OTOA: variants seen among roughly 807,000 people sequenced by gnomAD.
The protein encoded by OTOA is cancer/testis antigen 108.
Under a neutral mutation model 110.8 loss-of-function variants are expected in OTOA, and 70 were observed. The ratio of observed to expected loss-of-function variants is 0.63; its 90% CI spans 0.52 to 0.77. The LOEUF (loss-of-function observed/expected upper bound fraction) is 0.77. OTOA is among the 30% of genes least tolerant of loss of function. The pLI, the probability that OTOA is intolerant of heterozygous loss-of-function variation, is 0.00. For missense variants in OTOA, 917 were observed against 1,075.8 expected (o/e 0.85, Z 2.06); for synonymous variants, 373 against 431.5 (o/e 0.86, Z 1.68).
rs1897828000 is a variant in OTOA, at chr16:21,691,487, C to T, written c.636-97C>T. ...TCCAGGAGAGGGAAGGGTTTTAACACAAGACAGCTTTGGGTCACATTTGCT... is the reference window on the plus strand; with the variant it reads ...TCCAGGAGAGGGAAGGGTTTTAACATAAGACAGCTTTGGGTCACATTTGCT... On this transcript the variant is annotated intron_variant, in intron 8 of 28. Transcript: ENST00000646100. 7.0e-6 allele frequency: 7 copies of T among 994,392 alleles called. No homozygotes were observed. The South Asian group carries it at 8.1e-5, about 11-fold the overall frequency. 61.6% of individuals were successfully genotyped at this position (994,392 alleles called of 1,614,324 possible). A position where few individuals can be genotyped will look rare whatever the true frequency, so the allele number is the denominator to read the frequency against.
At chr16:21,734,065 C>T (rs1052940905) in intron 21 of OTOA, among the ~76,000 whole-genome samples, 2 of 151,596 alleles carry the variant, frequency 1.3e-5, no homozygotes, top group East Asian at 3.9e-4. Flanking sequence ...CTCCCAAGTG[C>T]TAGGATTACA....
chr16:21,708,654 T>TA (rs566462547), intron 12 of OTOA, among the ~76,000 whole-genome samples: 276 of 152,288 alleles, frequency 1.8e-3, no homozygotes, highest in African/African-American at 6.1e-3. Context: ...TTGCCGAACT[T>TA]AGAGAACCCA....
intron 2 of OTOA, 46 bp from the exon 3 acceptor site, chr16:21,678,869 G>A (rs751002817): frequency 6.9e-6 from 11 of 1,604,144 alleles, no homozygotes. Context: ...AGTTTTGAAG[G>A]TCACACAATT....
At chr16:21,687,990 T>C (rs1036037512) in intron 8 of OTOA, among the ~76,000 whole-genome samples, 2 of 151,988 alleles carry the variant, frequency 1.3e-5, no homozygotes, top group Non-Finnish European at 2.9e-5. Flanking sequence ...CTCATCACAG[T>C]ATCCTTCAGG....
Position 21,687,456 on chromosome 16 carries a change from G to A in OTOA, c.443G>A (p.Arg148Gln), listed in dbSNP as rs773282376. The A allele has an allele frequency of 1.2e-5, 20 of 1,613,924 alleles. No homozygotes were observed. Among genetic ancestry groups the A allele is most frequent in the Admixed American group, 1.7e-5 (1 of 59,988 alleles). The change falls in exon 8 of 29, where the codon CGA (arginine) becomes CAA (glutamine). Residue 148 changes from arginine to glutamine, a missense_variant. By Grantham distance (43) the Arg-to-Gln change is conservative. Around this residue, in one of 6 missense-constraint regions of OTOA, gnomAD observed 840 missense variants for 910.2 expected, o/e 0.92. Transcript: ENST00000646100. ...IIIDLGEIRE[R>Q]ALQSPGVNRS... ...ATCGACTTAGGAGAGATTCGAGAACGAGCCTTGCAGAGCCCTGGCGTGAAC... is the reference window on the plus strand; with the variant it reads ...ATCGACTTAGGAGAGATTCGAGAACAAGCCTTGCAGAGCCCTGGCGTGAAC...
At chr16:21,719,284 T>C in intron 16 of OTOA, 93 bp downstream of exon 16, 1 of 1,565,744 alleles carries the variant, frequency 6.4e-7, no homozygotes, top group Non-Finnish European at 8.8e-7. Context: ...AGTTAGGCAG[T>C]CACATCTGTA....
At chr16:21,679,317 A>T (rs1042464206) in intron 5 of OTOA, 106 bp downstream of exon 5, 5 of 1,196,136 alleles carry the variant, frequency 4.2e-6, no homozygotes, top group Non-Finnish European at 6.1e-6. Context: ...ATTACAAAAA[A>T]TGTCAATCAA....
chr16:21,688,367 C>T (rs991000533), intron 8 of OTOA, among the ~76,000 whole-genome samples: 7 of 151,476 alleles, frequency 4.6e-5, no homozygotes, highest in Non-Finnish European at 7.4e-5. Flanking sequence ...CCAACCTGGG[C>T]GACAGAGTGA....
intron 27 of OTOA, among the ~76,000 whole-genome samples, chr16:21,754,096 A>T (rs1358141972): frequency 7.2e-6 from 1 of 138,138 alleles, no homozygotes; most frequent in African/African-American, 2.7e-5. Context: ...CTATATATAT[A>T]TATTTTTAGT....
intron 7 of OTOA, among the ~76,000 whole-genome samples, chr16:21,687,125 C>A (rs1265487148): frequency 6.6e-6 from 1 of 152,130 alleles, no homozygotes; most frequent in East Asian, 1.9e-4. Flanking sequence ...AAAGGATGAG[C>A]TAGATTTCAC....
At chr16:21,720,875 G>T (rs1162999490) in intron 17 of OTOA, among the ~76,000 whole-genome samples, 1 of 141,728 alleles carries the variant, frequency 7.1e-6, no homozygotes, top group African/African-American at 2.6e-5. Flanking sequence ...TGCCTTTCTC[G>T]TTTATATTTT....
At chr16:21,679,342 A>C in intron 5 of OTOA, 131 bp downstream of exon 5, 1 of 1,034,312 alleles carries the variant, frequency 9.7e-7, no homozygotes, top group Non-Finnish European at 1.5e-6. Context: ...CAATGTGTTA[A>C]AAGTCAACAA....
At chr16:21,731,480 G>A (rs999273566) in intron 21 of OTOA, among the ~76,000 whole-genome samples, 4 of 152,242 alleles carry the variant, frequency 2.6e-5, no homozygotes, top group African/African-American at 9.6e-5. Context: ...ATTCGCATAT[G>A]TTCCTTGCTG....
intron 6 of OTOA, chr16:21,684,348 G>C (rs1597808697): frequency 7.2e-7 from 1 of 1,381,734 alleles, no homozygotes; most frequent in Non-Finnish European, 9.4e-7. Context: ...CAATTCCCCA[G>C]ACAGCAGAGG....
At chr16:21,732,778 A>G (rs1277273460) in intron 21 of OTOA, among the ~76,000 whole-genome samples, 1 of 148,262 alleles carries the variant, frequency 6.7e-6, no homozygotes, top group Middle Eastern at 3.3e-3. Context: ...GTTTATATGT[A>G]AGAGAAGTGT....
chr16:21,666,646 G>A (rs1407911417), intron 1 of OTOA, among the ~76,000 whole-genome samples: 1 of 152,034 alleles, frequency 6.6e-6, no homozygotes, highest in African/African-American at 2.4e-5. Context: ...TGCTGTTTTC[G>A]AGTAGTTTTC....
chr16:21,697,777 G>C lies in OTOA; in HGVS notation c.742G>C (p.Asp248His), dbSNP rs1003220086. The part of the protein sequence containing the change: ...ILQTSSNATD[D>H]SASWVSAEHL... ...ATTCATTTCTTTATTTTTTGTAGAT[G>C]ACTCTGCTTCATGGGTCAGTGCGGA... is the stretch of plus-strand genomic sequence containing the variant. The change falls in exon 10 of 29, where the codon GAC becomes CAC. Residue 248 changes from aspartate (D) to histidine (H), a missense_variant and splice_region_variant. Asp to His is a moderately conservative substitution (Grantham distance 81). Around this residue, in one of 6 missense-constraint regions of OTOA, gnomAD observed 840 missense variants for 910.2 expected, o/e 0.92. Transcript: ENST00000646100. 6.3e-5 allele frequency: 101 copies of C among 1,613,656 alleles called. No individual in the cohort carries two copies. Among genetic ancestry groups the C allele is most frequent in the Non-Finnish European group, 8.2e-5 (97 of 1,179,804 alleles).
chr16:21,736,231 A>C (rs557165610), intron 21 of OTOA, 30 bp from the exon 22 acceptor site: 65 of 1,590,434 alleles, frequency 4.1e-5, no homozygotes, highest in Middle Eastern at 1.7e-4. Flanking sequence ...TTTAATTATT[A>C]TTCCTCTTCT....
At chr16:21,728,172 T>C in intron 19 of OTOA, 69 bp from the exon 20 acceptor site, 1 of 1,589,342 alleles carries the variant, frequency 6.3e-7, no homozygotes, top group Non-Finnish European at 8.6e-7. Context: ...CCCCACAGGA[T>C]GTGTTTCTAA....
Sources: allele counts gnomAD v4.1 joint callset (sites outside exome capture counted in the v4.1 genomes callset), GRCh38; gene constraint gnomAD v4.1.1; regional missense constraint gnomAD v4.1.1; transcripts MANE v1.5; gene names NCBI Gene and HGNC (gene_info 2026-07-23, HGNC 2026-07-21).